The following CCDC141 variants were observed in gnomAD, a reference collection of about 807,000 sequenced individuals.
CCDC141 encodes the protein coiled-coil domain containing 141.
CCDC141 carries 168 observed loss-of-function variants against 181.0 expected under a neutral mutation model. The ratio of observed to expected loss-of-function variants is 0.93; its 90% CI spans 0.82 to 1.05. The LOEUF (loss-of-function observed/expected upper bound fraction) is 1.05, where lower values mean the gene tolerates loss of function less well. Among genes scored for constraint, CCDC141 ranks in the 50% least tolerant of loss-of-function variants. The pLI, the probability that CCDC141 is intolerant of heterozygous loss-of-function variation, is 0.00. For missense variants in CCDC141, 1,902 were observed against 1,788.5 expected, an observed-to-expected ratio of 1.06 and a Z score of -1.14; for synonymous variants, 666 against 642.3, an observed-to-expected ratio of 1.04 and a Z score of -0.56.
At chr2:178,867,653 C>T (rs1685910926) in intron 16 of CCDC141, among the ~76,000 whole-genome samples, 1 of 152,000 alleles carries the variant, frequency 6.6e-6, no homozygotes, top group Admixed American at 6.6e-5. Flanking sequence ...TACTGAAGAT[C>T]AATTTTTAAA....
At chr2:179,034,179 T>TAGAG (rs1390725454) in intron 2 of CCDC141, among the ~76,000 whole-genome samples, 1 of 152,178 alleles carries the variant, frequency 6.6e-6, no homozygotes, top group African/African-American at 2.4e-5. Flanking sequence ...AAGAATGAGA[T>TAGAG]AATGTCCTTT....
At chr2:178,879,791 C>T (rs895108579) in intron 11 of CCDC141, among the ~76,000 whole-genome samples, 2 of 152,128 alleles carry the variant, frequency 1.3e-5, no homozygotes, top group African/African-American at 4.8e-5. Flanking sequence ...AGTGAGAAGG[C>T]GTCAAAGGGG....
intron 2 of CCDC141, among the ~76,000 whole-genome samples, chr2:178,981,059 T>C (rs1023637057): frequency 6.6e-5 from 10 of 152,160 alleles, no homozygotes; most frequent in Non-Finnish European, 1.3e-4. Flanking sequence ...ATGACAATTC[T>C]AAATGGGTAT....
At chr2:179,031,118 A>G (rs1027280328) in intron 2 of CCDC141, among the ~76,000 whole-genome samples, 3 of 152,170 alleles carry the variant, frequency 2.0e-5, no homozygotes, top group South Asian at 4.1e-4. Context: ...AGACTAAACT[A>G]TCTCAATTTA....
chr2:178,999,771 G>T (rs529733775), intron 2 of CCDC141, among the ~76,000 whole-genome samples: 1 of 151,450 alleles, frequency 6.6e-6, no homozygotes, highest in Non-Finnish European at 1.5e-5. Flanking sequence ...TCTTTCTCCC[G>T]TGACTCACCT....
chr2:178,865,730 T>C, intron 17 of CCDC141, 37 bp downstream of exon 17: 2 of 1,431,336 alleles, frequency 1.4e-6, no homozygotes, highest in Non-Finnish European at 1.8e-6. Flanking sequence ...AAACAGCTTT[T>C]TGGCAATGTG....
intron 23 of CCDC141, 121 bp downstream of exon 23, chr2:178,836,773 G>A (rs777742778): frequency 9.5e-7 from 1 of 1,048,144 alleles, no homozygotes; most frequent in South Asian, 1.6e-5. Flanking sequence ...ATCATGCAGA[G>A]TTGCAGTGTC....
chr2:178,912,351 G>A (rs1043216067), intron 7 of CCDC141, among the ~76,000 whole-genome samples: 3 of 152,176 alleles, frequency 2.0e-5, no homozygotes, highest in African/African-American at 7.2e-5. Context: ...GTATTCATGA[G>A]TGAGGACAAT....
In CCDC141 at chr2:178,975,121, A is replaced by G. The variant is rs940094828; in HGVS notation, c.462T>C (p.Thr154=). 7.2e-6 allele frequency: 11 copies of G among 1,521,672 alleles called. 1 individual carries two copies. In the African/African-American group the frequency reaches 1.4e-4, roughly 19 times the overall value. The allele number at this position is 1,521,672 out of a possible 1,614,324, so 94.3% of individuals were successfully genotyped here. A position where few individuals can be genotyped will look rare whatever the true frequency, so the allele number is the denominator to read the frequency against. The part of the protein sequence containing the change: ...IDQAEDFLQN[T]HEFESAESLK... ...AGGACTCAGCACTCTCAAACTCATG[A>G]GTATTCTGGAGGAAATCTTCAGCTT... The change falls in exon 4 of 24, where the codon ACT becomes ACC. Residue 154 remains threonine (T), a synonymous_variant. Transcript: ENST00000443758.
intron 3 of CCDC141, among the ~76,000 whole-genome samples, chr2:178,977,991 G>T (rs539046963): frequency 1.2e-3 from 183 of 152,156 alleles, no homozygotes; most frequent in African/African-American, 3.9e-3. Flanking sequence ...TCAACTATAC[G>T]CCTTAGGAAA....
At chr2:178,822,850 C>T in the CCDC141 span, among the ~76,000 whole-genome samples, 2 of 152,224 alleles carry the variant, frequency 1.3e-5, no homozygotes, top group Non-Finnish European at 1.5e-5. Flanking sequence ...GTAACATGTA[C>T]AGCCAGTGTC....
intron 22 of CCDC141, among the ~76,000 whole-genome samples, chr2:178,844,516 C>A (rs915040961): frequency 2.6e-5 from 4 of 152,094 alleles, no homozygotes; most frequent in Non-Finnish European, 4.4e-5. Context: ...AGCAAAATGA[C>A]CAAAGTTTGG....
chr2:178,840,942 A>G (rs575860311), intron 22 of CCDC141, among the ~76,000 whole-genome samples: 2 of 152,352 alleles, frequency 1.3e-5, no homozygotes, highest in Non-Finnish European at 2.9e-5. Flanking sequence ...TTAACTTCCC[A>G]TTAAACATGT....
At chr2:178,963,155 T>C (rs568154958) in intron 4 of CCDC141, among the ~76,000 whole-genome samples, 1 of 152,236 alleles carries the variant, frequency 6.6e-6, no homozygotes, top group South Asian at 2.1e-4. Context: ...GGTTGGAAAT[T>C]GGGGGAGCTA....
the CCDC141 span, among the ~76,000 whole-genome samples, chr2:178,818,281 A>T: frequency 2.0e-4 from 31 of 152,310 alleles, no homozygotes; most frequent in African/African-American, 7.2e-4. Context: ...GACTTTTTAA[A>T]ATTTTATTTT....
intron 1 of CCDC141, among the ~76,000 whole-genome samples, chr2:179,047,944 G>T (rs2043553497): frequency 6.6e-6 from 1 of 152,088 alleles, no homozygotes; most frequent in Non-Finnish European, 1.5e-5. Context: ...TATTTCAAAG[G>T]TAAAATATGC....
chr2:178,848,193 G>A (rs763364006), intron 21 of CCDC141, among the ~76,000 whole-genome samples: 1 of 152,196 alleles, frequency 6.6e-6, no homozygotes, highest in African/African-American at 2.4e-5. Flanking sequence ...AGAGACAGAA[G>A]GTCGTGTCCT....
chr2:178,995,186 T>C (rs916493047), intron 2 of CCDC141, among the ~76,000 whole-genome samples: 1 of 152,178 alleles, frequency 6.6e-6, no homozygotes, highest in East Asian at 1.9e-4. Context: ...GATTAAGACA[T>C]AACTGAGACA....
chr2:178,954,294 G>A (rs1690071224), intron 5 of CCDC141, among the ~76,000 whole-genome samples: 1 of 152,172 alleles, frequency 6.6e-6, no homozygotes, highest in Non-Finnish European at 1.5e-5. Context: ...CATTAATGAG[G>A]CAGATTATCT....
Sources: gnomAD v4.1 joint callset for allele counts (sites outside exome capture counted in the v4.1 genomes callset) on GRCh38, gnomAD v4.1.1 for gene constraint, MANE v1.5 for transcripts, NCBI Gene and HGNC (gene_info 2026-07-23, HGNC 2026-07-21) for gene names.